NAALADL2: variants seen among roughly 807,000 people sequenced by gnomAD.
NAALADL2 encodes N-acetylated alpha-linked acidic dipeptidase like 2, also known as inactive N-acetylated-alpha-linked acidic dipeptidase-like protein 2.
Under a neutral mutation model 87.2 loss-of-function variants are expected in NAALADL2, and 76 were observed. The ratio of observed to expected loss-of-function variants is 0.87; its 90% CI spans 0.72 to 1.05. The LOEUF is 1.05. Ranked by LOEUF, NAALADL2 falls within the 50% of genes least tolerant of loss-of-function variation. The pLI is 0.00. For missense variants in NAALADL2, 1,089 were observed against 945.8 expected (o/e 1.15, Z -1.99); for synonymous variants, 354 against 331.0 (o/e 1.07, Z -0.75).
chr3:175,742,127 G>A (rs1359817387), intron 12 of NAALADL2, among the ~76,000 whole-genome samples: 1 of 152,138 alleles, frequency 6.6e-6, no homozygotes. Context: ...CATCAGATAT[G>A]CATTTGTCTC....
At chr3:174,930,770 C>T (rs956765931) in intron 1 of NAALADL2, among the ~76,000 whole-genome samples, 9 of 151,268 alleles carry the variant, frequency 5.9e-5, no homozygotes, top group South Asian at 2.1e-4. Context: ...TACAGGCACC[C>T]GCCACCATTC....
intron 2 of NAALADL2, among the ~76,000 whole-genome samples, chr3:175,233,142 A>G (rs547896679): frequency 6.6e-6 from 1 of 152,336 alleles, no homozygotes; most frequent in East Asian, 1.9e-4. Flanking sequence ...ATTGGAAAAC[A>G]TTGTGCTCAT....
intron 1 of NAALADL2, among the ~76,000 whole-genome samples, chr3:174,506,613 G>GA: frequency 6.6e-6 from 1 of 152,016 alleles, no homozygotes; most frequent in South Asian, 2.1e-4. Context: ...TCTGATTATA[G>GA]AATAAATTTT....
intron 5 of NAALADL2, among the ~76,000 whole-genome samples, chr3:175,330,163 T>A (rs1761226762): frequency 6.6e-6 from 1 of 151,100 alleles, no homozygotes; most frequent in Admixed American, 6.6e-5. Flanking sequence ...AATCCACTGC[T>A]AAAAAAAAAG....
intron 11 of NAALADL2, among the ~76,000 whole-genome samples, chr3:175,651,072 A>C (rs1345861127): frequency 6.6e-6 from 1 of 152,210 alleles, no homozygotes; most frequent in Non-Finnish European, 1.5e-5. Flanking sequence ...TTGTTTGTGT[A>C]GCTTATGAGT....
intron 9 of NAALADL2, among the ~76,000 whole-genome samples, chr3:175,490,906 CTA>C (rs1381251902): frequency 1.3e-5 from 2 of 152,110 alleles, no homozygotes; most frequent in Admixed American, 6.6e-5. Flanking sequence ...CAAACCAAGA[CTA>C]TGCACTTGAG....
chr3:174,963,175 C>G (rs912864628), intron 1 of NAALADL2, among the ~76,000 whole-genome samples: 1 of 152,018 alleles, frequency 6.6e-6, no homozygotes, highest in African/African-American at 2.4e-5. Context: ...TGGCTGGAAT[C>G]ACTGATACTG....
At chr3:174,781,904 TC>T (rs899599185) in intron 3 of NAALADL2, among the ~76,000 whole-genome samples, 5 of 151,994 alleles carry the variant, frequency 3.3e-5, no homozygotes, top group Admixed American at 1.3e-4. Context: ...TGGGAATGCT[TC>T]TTTCCTTTAT....
intron 11 of NAALADL2, among the ~76,000 whole-genome samples, chr3:175,674,370 C>T (rs1045081066): frequency 3.3e-5 from 5 of 151,978 alleles, no homozygotes; most frequent in African/African-American, 9.7e-5. Context: ...CGCCATTCTC[C>T]TGCCTCAGCC....
intron 9 of NAALADL2, among the ~76,000 whole-genome samples, chr3:175,552,764 A>T (rs931304996): frequency 9.9e-5 from 15 of 152,060 alleles, no homozygotes; most frequent in African/African-American, 3.6e-4. Context: ...GATGAATGTA[A>T]TGCATTATAA....
At chr3:175,395,850 A>G (rs182708433) in intron 5 of NAALADL2, among the ~76,000 whole-genome samples, 1 of 152,176 alleles carries the variant, frequency 6.6e-6, no homozygotes, top group African/African-American at 2.4e-5. Context: ...ATATTTTATG[A>G]GCAATGAAAT....
intron 2 of NAALADL2, among the ~76,000 whole-genome samples, chr3:175,118,967 G>T (rs1725712495): frequency 6.6e-6 from 1 of 151,444 alleles, no homozygotes; most frequent in African/African-American, 2.4e-5. Flanking sequence ...TTAAATTGTT[G>T]CCTATTATAA....
At chr3:174,744,953 A>C (rs1423005637) in intron 3 of NAALADL2, among the ~76,000 whole-genome samples, 2 of 152,022 alleles carry the variant, frequency 1.3e-5, no homozygotes, top group Admixed American at 1.3e-4. Context: ...AAGGAGTGTT[A>C]AGAGGGAAAT....
chr3:175,543,059 A>G (rs1712653493), intron 9 of NAALADL2, among the ~76,000 whole-genome samples: 1 of 152,162 alleles, frequency 6.6e-6, no homozygotes, highest in Non-Finnish European at 1.5e-5. Flanking sequence ...TCTTACATGA[A>G]TCCAATTTTA....
chr3:175,545,230 C>T (rs749331008), intron 9 of NAALADL2, among the ~76,000 whole-genome samples: 1 of 152,158 alleles, frequency 6.6e-6, no homozygotes, highest in Non-Finnish European at 1.5e-5. Flanking sequence ...GAAATCCCCT[C>T]ATCTAGGTCC....
At chr3:174,479,118 A>G (rs967460773) in intron 1 of NAALADL2, among the ~76,000 whole-genome samples, 3 of 152,200 alleles carry the variant, frequency 2.0e-5, no homozygotes, top group African/African-American at 7.2e-5. Context: ...CTAAGATGAA[A>G]CAAATTTATG....
chr3:175,801,863 C>G (rs1754194244), intron 13 of NAALADL2, among the ~76,000 whole-genome samples: 1 of 151,980 alleles, frequency 6.6e-6, no homozygotes, highest in East Asian at 1.9e-4. Flanking sequence ...TTAGACTTTC[C>G]CAAATCAAAT....
chr3:174,812,263 A>G (rs1720302216), intron 3 of NAALADL2, among the ~76,000 whole-genome samples: 1 of 152,150 alleles, frequency 6.6e-6, no homozygotes, highest in Non-Finnish European at 1.5e-5. Flanking sequence ...CATTTTGGTC[A>G]ATGAGGGACC....
chr3:175,584,847 T>G (rs1352325301), intron 10 of NAALADL2, among the ~76,000 whole-genome samples: 3 of 152,204 alleles, frequency 2.0e-5, no homozygotes, highest in Non-Finnish European at 4.4e-5. Context: ...GGACTGGAAG[T>G]TTCTCTGGGT....
Sources: gnomAD v4.1 joint callset for allele counts (sites outside exome capture counted in the v4.1 genomes callset) on GRCh38, gnomAD v4.1.1 for gene constraint, MANE v1.5 for transcripts, NCBI Gene and HGNC (gene_info 2026-07-23, HGNC 2026-07-21) for gene names.